ATAD2: variants seen among roughly 807,000 people sequenced by gnomAD.
ATAD2 encodes the protein ATPase family AAA domain-containing protein 2.
A neutral mutation model predicts 168.9 loss-of-function variants in ATAD2; 62 were observed. That is an observed-to-expected ratio of 0.37 (90% CI 0.30 to 0.45). ATAD2 has a LOEUF of 0.45. Among genes scored for constraint, ATAD2 ranks in the 20% least tolerant of loss-of-function variants. ATAD2 has a pLI of 1.00. For missense variants in ATAD2, 1,419 were observed against 1,667.8 expected, an observed-to-expected ratio of 0.85 and a Z score of 2.60; for synonymous variants, 613 against 571.6, an observed-to-expected ratio of 1.07 and a Z score of -1.03.
At position 123,327,279 on chromosome 8, in the gene ATAD2, C is replaced by T. The variant is rs565247422; in HGVS notation, c.3868+911G>A. On this transcript the variant is annotated intron_variant, in intron 25 of 27. Coordinates refer to ENST00000287394, the MANE Select transcript of ATAD2 (RefSeq NM_014109.4). ...GATAAGAACTCAGACTTCCTGATAT[C>T]GAAGCAAGTACCTGTACTGCTAAAT... Among the ~76,000 whole-genome samples the T allele has an allele frequency of 3.3e-5, 5 of 151,992 alleles. No individual in the cohort carries two copies. In the South Asian group the frequency reaches 6.2e-4, roughly 19 times the overall value.
intron 22 of ATAD2, among the ~76,000 whole-genome samples, chr8:123,334,764 A>T (rs968379524): frequency 5.9e-5 from 9 of 152,228 alleles, no homozygotes; most frequent in Admixed American, 1.3e-4. Context: ...CACAGGAAAC[A>T]CTGGGAAAAT....
At chr8:123,344,783 T>C in intron 19 of ATAD2, 101 bp downstream of exon 19, 3 of 1,290,426 alleles carry the variant, frequency 2.3e-6, no homozygotes, top group Admixed American at 1.9e-5. Context: ...CTTATCCTTT[T>C]ATTCACTTCT....
intron 12 of ATAD2, among the ~76,000 whole-genome samples, 197 bp from the exon 13 acceptor site, chr8:123,356,674 G>C (rs982812173): frequency 7.4e-5 from 11 of 149,440 alleles, no homozygotes; most frequent in African/African-American, 2.5e-4. Context: ...TTTTGAGATG[G>C]AGTCTCACTG....
At chr8:123,355,333 T>A (rs1038558321) in intron 13 of ATAD2, among the ~76,000 whole-genome samples, 1 of 152,220 alleles carries the variant, frequency 6.6e-6, no homozygotes, top group Admixed American at 6.5e-5. Flanking sequence ...TATGAAAGTA[T>A]GCAAATATTT....
intron 2 of ATAD2, among the ~76,000 whole-genome samples, chr8:123,379,651 C>T (rs527318730): frequency 6.6e-6 from 1 of 151,120 alleles, no homozygotes; most frequent in East Asian, 2.0e-4. Context: ...CAATCTCTGC[C>T]TCCCAGGTTC....
intron 1 of ATAD2, among the ~76,000 whole-genome samples, chr8:123,383,472 G>A (rs1341639969): frequency 6.6e-6 from 1 of 152,204 alleles, no homozygotes; most frequent in Non-Finnish European, 1.5e-5. Flanking sequence ...TGGTGTAGGT[G>A]TTAAGAAATT....
At chr8:123,401,652 T>C in intron 1 of ATAD2, 1 of 830,262 alleles carries the variant, frequency 1.2e-6, no homozygotes, top group Non-Finnish European at 2.1e-6. Flanking sequence ...GGTGTGCCCA[T>C]CATAGCCGAT....
chr8:123,396,191 G>C lies in ATAD2; in HGVS notation c.167C>G (p.Ala56Gly), dbSNP rs1229264721. The C allele has an allele frequency of 7.6e-6, 12 of 1,574,886 alleles. No homozygotes were observed. In the African/African-American group the frequency reaches 8.1e-5, roughly 11 times the overall value. ...CCGCCTCAGGCCCGTACTCACGCCC[G>C]CTTTGGCTGTGGTCGCCGCGGGTTT... ...QKKPAATTAK[A>G]GDGSSVKEVE... The change falls in exon 1 of 28, where the codon GCG becomes GGG. Residue 56 changes from alanine to glycine, a missense_variant. Ala to Gly is a moderately conservative substitution (Grantham distance 60). Coordinates refer to ENST00000287394, the MANE Select transcript of ATAD2 (RefSeq NM_014109.4).
At chr8:123,367,915 T>C (rs1321777612) in intron 8 of ATAD2, among the ~76,000 whole-genome samples, 1 of 152,224 alleles carries the variant, frequency 6.6e-6, no homozygotes, top group African/African-American at 2.4e-5. Context: ...GATCAGATGG[T>C]CTGTCTCTAG....
chr8:123,346,960 AATATCCCAGG>A, intron 16 of ATAD2, 122 bp downstream of exon 16: 1 of 1,169,972 alleles, frequency 8.5e-7, no homozygotes, highest in Non-Finnish European at 1.2e-6. Context: ...ATTTCCTTCA[AATATCCCAGG>A]TAAAGCATTA....
intron 25 of ATAD2, among the ~76,000 whole-genome samples, chr8:123,327,692 T>C (rs1827651251): frequency 6.6e-6 from 1 of 152,092 alleles, no homozygotes; most frequent in Non-Finnish European, 1.5e-5. Flanking sequence ...AATAGAAAAT[T>C]TGGGGAGCAG....
chr8:123,394,649 G>A (rs1055024084), intron 1 of ATAD2, among the ~76,000 whole-genome samples: 9 of 151,886 alleles, frequency 5.9e-5, no homozygotes, highest in African/African-American at 1.5e-4. Context: ...AAAAAAAAAA[G>A]AGCCTATGTA....
chr8:123,339,534 C>T, intron 19 of ATAD2, 88 bp from the exon 20 acceptor site: 1 of 1,258,284 alleles, frequency 7.9e-7, no homozygotes. Context: ...TTAGACTTTA[C>T]AGCAGCATGA....
At chr8:123,331,851 T>C (rs562187816) in intron 24 of ATAD2, among the ~76,000 whole-genome samples, 1 of 152,282 alleles carries the variant, frequency 6.6e-6, no homozygotes, top group South Asian at 2.1e-4. Context: ...GCATCACACA[T>C]CGTTTTAAGC....
chr8:123,378,701 C>CAAAAAAAAAAAAAAAAAAAAAAA (rs71808201), intron 2 of ATAD2, among the ~76,000 whole-genome samples: 2 of 73,052 alleles, frequency 2.7e-5, no homozygotes, highest in African/African-American at 1.2e-4. Context: ...GACTGTGTCT[C>CAAAAAAAAAAAAAAAAAAAAAAA]AAAAAAAAAA....
At chr8:123,404,563 CTCTT>C (rs1192641466) in intron 1 of ATAD2, among the ~76,000 whole-genome samples, 31 of 149,040 alleles carry the variant, frequency 2.1e-4, no homozygotes, top group African/African-American at 7.6e-4. Flanking sequence ...CACTTTCTCT[CTCTT>C]TTTTTTTTTT....
chr8:123,405,978 T>C (rs796300215), intron 1 of ATAD2, among the ~76,000 whole-genome samples: 5 of 152,296 alleles, frequency 3.3e-5, no homozygotes, highest in African/African-American at 1.2e-4. Context: ...AAACAGAATA[T>C]TAAGCAAAAG....
chr8:123,367,716 T>C (rs1007684890), intron 8 of ATAD2, among the ~76,000 whole-genome samples: 1 of 152,188 alleles, frequency 6.6e-6, no homozygotes, highest in African/African-American at 2.4e-5. Context: ...TGAGTTTGTC[T>C]TCCCGATCCT....
At position 123,370,663 on chromosome 8, in the gene ATAD2, T is replaced by C. The variant is rs117608100; in HGVS notation, c.727+240A>G. Among the ~76,000 whole-genome samples, 1,312 of 152,236 alleles carry C rather than the reference T, an allele frequency of 8.6e-3. 10 individuals carry two copies. Among genetic ancestry groups the C allele is most frequent in the Non-Finnish European group, 0.012 (813 of 67,948 alleles). On this transcript the variant is annotated intron_variant, in intron 6 of 27. Coordinates refer to ENST00000287394, the MANE Select transcript of ATAD2 (RefSeq NM_014109.4). The stretch of plus-strand genomic sequence containing the variant: ...GAGATATACAGTGTGTTGTCCATAG[T>C]GGATGTATTACATAAGCAGACCAAT...
Sources: allele counts gnomAD v4.1 joint callset (sites outside exome capture counted in the v4.1 genomes callset), GRCh38; gene constraint gnomAD v4.1.1; transcripts MANE v1.5; gene names NCBI Gene and HGNC (gene_info 2026-07-23, HGNC 2026-07-21).